Variants in TTLL11 observed in about 807,000 individuals in gnomAD.
TTLL11 encodes the protein tubulin polyglutamylase TTLL11.
A neutral mutation model predicts 51.7 loss-of-function variants in TTLL11; 42 were observed. The observed-to-expected ratio is 0.81, with a 90% confidence interval of 0.64 to 1.05. TTLL11 has a LOEUF of 1.05. Ranked by LOEUF, TTLL11 falls within the 50% of genes least tolerant of loss-of-function variation. The pLI is 0.00. For synonymous variants in TTLL11, 381 were observed against 383.5 expected (o/e 0.99, Z 0.08); for missense variants, 799 against 940.4 (o/e 0.85, Z 1.97).
chr9:122,053,403 A>G (rs1386682892), intron 1 of TTLL11, among the ~76,000 whole-genome samples: 1 of 152,084 alleles, frequency 6.6e-6, no homozygotes. Context: ...ACGTGCCTGG[A>G]GCCTGGGGGA....
At chr9:121,823,779 C>T (rs1387882498) in intron 8 of TTLL11, among the ~76,000 whole-genome samples, 1 of 152,124 alleles carries the variant, frequency 6.6e-6, no homozygotes, top group African/African-American at 2.4e-5. Flanking sequence ...ATTTCTCTGG[C>T]CCAAACCATA....
intron 6 of TTLL11, among the ~76,000 whole-genome samples, 196 bp downstream of exon 6, chr9:121,973,813 T>C (rs1217633927): frequency 6.6e-6 from 1 of 152,286 alleles, no homozygotes; most frequent in Admixed American, 6.5e-5. Context: ...GAAGCCTATT[T>C]GTCAGATTAC....
At chr9:122,070,423 G>A (rs1488380179) in intron 1 of TTLL11, among the ~76,000 whole-genome samples, 1 of 152,072 alleles carries the variant, frequency 6.6e-6, no homozygotes, top group Non-Finnish European at 1.5e-5. Flanking sequence ...TCCAGGACAT[G>A]AGCAAAAACT....
intron 6 of TTLL11, among the ~76,000 whole-genome samples, chr9:121,891,831 C>A (rs1340699169): frequency 1.3e-5 from 2 of 151,612 alleles, no homozygotes; most frequent in African/African-American, 2.4e-5. Context: ...TCTGGTTGAA[C>A]CTGTTGGACC....
intron 3 of TTLL11, among the ~76,000 whole-genome samples, chr9:121,994,562 C>T (rs1426665219): frequency 7.9e-5 from 12 of 152,060 alleles, no homozygotes; most frequent in Admixed American, 7.9e-4. Context: ...GTCACAAAGG[C>T]AGGATTTGAA....
At chr9:121,952,846 A>C (rs1434966158) in intron 6 of TTLL11, among the ~76,000 whole-genome samples, 1 of 152,076 alleles carries the variant, frequency 6.6e-6, no homozygotes, top group Non-Finnish European at 1.5e-5. Context: ...CAGGAAGCTC[A>C]TTTGCCCACA....
intron 6 of TTLL11, chr9:121,963,654 A>G (rs1842308458): frequency 6.6e-6 from 1 of 152,186 alleles, no homozygotes; most frequent in African/African-American, 2.4e-5. Flanking sequence ...CTGTGGAATG[A>G]CACTCTCACA....
intron 6 of TTLL11, among the ~76,000 whole-genome samples, chr9:121,914,615 T>C (rs1333356620): frequency 6.6e-6 from 1 of 152,104 alleles, no homozygotes; most frequent in Non-Finnish European, 1.5e-5. Flanking sequence ...TTCCTGGGCG[T>C]CTCCATGAAG....
At chr9:121,988,358 C>A (rs903800368) in intron 4 of TTLL11, among the ~76,000 whole-genome samples, 1 of 147,596 alleles carries the variant, frequency 6.8e-6, no homozygotes, top group East Asian at 1.9e-4. Flanking sequence ...CCAGGGACCA[C>A]CCCCCCGAAC....
At chr9:121,893,088 G>A (rs963744350) in intron 6 of TTLL11, among the ~76,000 whole-genome samples, 5 of 152,220 alleles carry the variant, frequency 3.3e-5, no homozygotes, top group East Asian at 1.9e-4. Context: ...ACCATTTACC[G>A]AGTGCCAACT....
Position 122,025,206 on chromosome 9 carries a change from T to C in TTLL11, c.693+6517A>G, listed in dbSNP as rs74448883. On this transcript the variant is annotated intron_variant, in intron 3 of 8. Coordinates refer to ENST00000321582, the MANE Select transcript of TTLL11 (RefSeq NM_001139442.2). Reference sequence around the variant, plus strand: ...TGAACAGACATTTCATCAAAAAATATATCTGGATGGCAAACAAGCACATGA... The same window carrying C: ...TGAACAGACATTTCATCAAAAAATACATCTGGATGGCAAACAAGCACATGA... Among the ~76,000 whole-genome samples the C allele has an allele frequency of 6.2e-3, 949 of 151,998 alleles. 11 individuals are homozygous for C. The highest frequency in any genetic ancestry group is 0.022 in the African/African-American group (900 of 41,450).
rs564254181 is a variant in TTLL11, at chr9:121,822,724, C to T, written c.1996G>A (p.Val666Ile). ...TGTGGGGGCCGGCCCCCCGACGGGA[C>T]GCCCCGGCCACACACCAGGCGTTTT... ...DEKRLVCGRG[V>I]PSGGRPPHRG... Residue 666 changes from valine to isoleucine, a missense_variant, in exon 9 of 9, where the codon GTC becomes ATC. Val to Ile is a conservative substitution (Grantham distance 29, BLOSUM62 3). Coordinates refer to ENST00000321582, the MANE Select transcript of TTLL11 (RefSeq NM_001139442.2). This position sits in a 1 kb window ranked among gnomAD's most constrained non-coding sequence, Gnocchi z 5.8. 4.9e-5 allele frequency: 76 copies of T among 1,551,054 alleles called. No homozygotes were observed. The highest frequency in any genetic ancestry group is 1.7e-4 in the Middle Eastern group (1 of 5,764).
intron 1 of TTLL11, among the ~76,000 whole-genome samples, chr9:122,087,923 A>C (rs766121025): frequency 1.3e-5 from 2 of 152,192 alleles, no homozygotes; most frequent in African/African-American, 4.8e-5. Flanking sequence ...CTTGTCTACA[A>C]GTTTACAGAG....
chr9:121,974,694 C>T (rs951933532), intron 5 of TTLL11, among the ~76,000 whole-genome samples, 190 bp downstream of exon 5: 3 of 152,124 alleles, frequency 2.0e-5, no homozygotes, highest in African/African-American at 7.2e-5. Context: ...GGGAAGTGAC[C>T]ACAGGTCAGA....
chr9:121,994,252 G>A (rs908448134), intron 3 of TTLL11, among the ~76,000 whole-genome samples: 4 of 152,210 alleles, frequency 2.6e-5, no homozygotes, highest in Non-Finnish European at 1.5e-5. Flanking sequence ...AGGCAGGAGC[G>A]GGCAGGACAC....
intron 3 of TTLL11, among the ~76,000 whole-genome samples, chr9:122,001,606 C>A (rs1843471627): frequency 6.6e-6 from 1 of 152,152 alleles, no homozygotes; most frequent in Non-Finnish European, 1.5e-5. Context: ...CCCAGCGGCA[C>A]AGCCTGTGCT....
At chr9:121,965,723 C>T (rs1223978893) in intron 6 of TTLL11, among the ~76,000 whole-genome samples, 1 of 152,140 alleles carries the variant, frequency 6.6e-6, no homozygotes, top group African/African-American at 2.4e-5. Context: ...CGACAGCATG[C>T]TTAGTTTAGA....
intron 2 of TTLL11, among the ~76,000 whole-genome samples, chr9:122,037,671 A>G (rs1844741270): frequency 6.6e-6 from 1 of 152,222 alleles, no homozygotes; most frequent in African/African-American, 2.4e-5. Flanking sequence ...AAAGACTCAT[A>G]TCCACCAATG....
rs537235408 is a variant in TTLL11 at position 121,935,850 on chromosome 9, G to A, written c.1481+38159C>T. ...GGAGAAGAGCTCAGGGAAATGATGCGTGTCATGTACAGAGCACAGAGCCTC... is the reference window on the plus strand; with the variant it reads ...GGAGAAGAGCTCAGGGAAATGATGCATGTCATGTACAGAGCACAGAGCCTC... On this transcript the variant is annotated intron_variant, in intron 6 of 8. Transcript: ENST00000321582. Among the ~76,000 whole-genome samples the A allele has an allele frequency of 3.3e-5, 5 of 152,328 alleles. No individual in the cohort carries two copies. The East Asian group carries it at 5.8e-4, about 18-fold the overall frequency.
Sources: allele counts gnomAD v4.1 joint callset (sites outside exome capture counted in the v4.1 genomes callset), GRCh38; gene constraint gnomAD v4.1.1; non-coding constraint Gnocchi (gnomAD v3.1); transcripts MANE v1.5; gene names NCBI Gene and HGNC (gene_info 2026-07-23, HGNC 2026-07-21).